KIAA1958: variants seen among roughly 807,000 people sequenced by gnomAD.
KIAA1958 encodes uncharacterized protein KIAA1958.
Under a neutral mutation model 47.2 loss-of-function variants are expected in KIAA1958, and 14 were observed. That is an observed-to-expected ratio of 0.30 (90% CI 0.20 to 0.46). The LOEUF is 0.46. KIAA1958 is among the 20% of genes least tolerant of loss of function. The pLI is 1.00. For synonymous variants in KIAA1958, 354 were observed against 353.3 expected (o/e 1.00, Z -0.02); for missense variants, 803 against 909.2 (o/e 0.88, Z 1.50).
At chr9:112,565,815 T>C (rs1415542676) in intron 1 of KIAA1958, among the ~76,000 whole-genome samples, 2 of 152,242 alleles carry the variant, frequency 1.3e-5, no homozygotes, top group Non-Finnish European at 1.5e-5. Flanking sequence ...CATTTTATGG[T>C]ACTCAAAGTT....
intron 2 of KIAA1958, among the ~76,000 whole-genome samples, chr9:112,594,704 T>C (rs1481598816): frequency 1.3e-5 from 2 of 152,228 alleles, no homozygotes; most frequent in Non-Finnish European, 2.9e-5. Flanking sequence ...ATATACAGGC[T>C]CTTGGGTGGA....
At position 112,574,219 on chromosome 9, in the gene KIAA1958, A is replaced by T. The variant is rs370659943; in HGVS notation, c.139A>T (p.Met47Leu). ...SEGSHGNLTA[M>L]WGCSAGHAYH... is the part of the protein sequence containing the mutation. ...AGGTTCCCATGGGAACCTGACAGCA[A>T]TGTGGGGCTGTAGTGCTGGCCATGC... The change falls in exon 2 of 4, where the codon ATG (methionine) becomes TTG (leucine). Residue 47 changes from methionine (M) to leucine (L), a missense_variant. By Grantham distance (15) the Met-to-Leu change is conservative. Transcript: ENST00000337530. The T allele has an allele frequency of 6.2e-7, 1 of 1,614,148 alleles. No homozygotes were observed. Among genetic ancestry groups the T allele is most frequent in the South Asian group, 1.1e-5 (1 of 91,082 alleles).
At chr9:112,641,173 T>C (rs1428448723) in intron 2 of KIAA1958, among the ~76,000 whole-genome samples, 1 of 152,214 alleles carries the variant, frequency 6.6e-6, no homozygotes, top group Non-Finnish European at 1.5e-5. Context: ...TATCTGTAAC[T>C]AATTTTTTTA....
At chr9:112,643,182 A>G (rs750053064) in intron 2 of KIAA1958, among the ~76,000 whole-genome samples, 9 of 152,178 alleles carry the variant, frequency 5.9e-5, no homozygotes, top group Non-Finnish European at 1.2e-4. Context: ...TTTTATCCTT[A>G]TAGTACCTGA....
At chr9:112,521,386 A>T (rs1253508197) in intron 1 of KIAA1958, among the ~76,000 whole-genome samples, 1 of 151,906 alleles carries the variant, frequency 6.6e-6, no homozygotes, top group African/African-American at 2.4e-5. Context: ...CTAATTTTTT[A>T]AATTTTTTGT....
intron 1 of KIAA1958, among the ~76,000 whole-genome samples, chr9:112,571,821 TAAAAATAAAAATA>T (rs1468106075): frequency 8.8e-4 from 115 of 130,704 alleles, no homozygotes; most frequent in African/African-American, 3.0e-3. Context: ...AAACAAAAAA[TAAAAATAAAAATA>T]AAAAATAAAA....
intron 2 of KIAA1958, among the ~76,000 whole-genome samples, chr9:112,611,105 C>A (rs1262166686): frequency 2.0e-5 from 3 of 152,074 alleles, no homozygotes; most frequent in African/African-American, 4.8e-5. Context: ...ATATCTGTAT[C>A]ATTTAACCCC....
intron 2 of KIAA1958, among the ~76,000 whole-genome samples, chr9:112,577,653 G>A (rs1588025853): frequency 6.6e-6 from 1 of 151,534 alleles, no homozygotes; most frequent in Non-Finnish European, 1.5e-5. Flanking sequence ...TCCCTGCAAA[G>A]CAAGATGCAA....
chr9:112,492,022 TC>T (rs1202029752), intron 1 of KIAA1958, among the ~76,000 whole-genome samples: 1 of 152,232 alleles, frequency 6.6e-6, no homozygotes, highest in Admixed American at 6.5e-5. Flanking sequence ...AAAAGCTCTA[TC>T]CTTTTTTCTG....
intron 1 of KIAA1958, among the ~76,000 whole-genome samples, chr9:112,568,896 A>G (rs1381656646): frequency 4.7e-5 from 7 of 148,846 alleles, no homozygotes; most frequent in Non-Finnish European, 1.0e-4. Context: ...TCAAAAAAAA[A>G]AAAAAAAAAA....
intron 3 of KIAA1958, among the ~76,000 whole-genome samples, chr9:112,653,610 C>T (rs1376501332): frequency 6.6e-6 from 1 of 152,102 alleles, no homozygotes; most frequent in Non-Finnish European, 1.5e-5. Flanking sequence ...TGAGAACCTA[C>T]AAGACAGAAG....
At chr9:112,639,460 C>T (rs778575139) in intron 2 of KIAA1958, among the ~76,000 whole-genome samples, 12 of 152,194 alleles carry the variant, frequency 7.9e-5, no homozygotes, top group Non-Finnish European at 1.6e-4. Context: ...CTTCTTCATG[C>T]TGCTTAGGCT....
intron 2 of KIAA1958, among the ~76,000 whole-genome samples, chr9:112,593,985 C>T (rs563951400): frequency 6.6e-6 from 1 of 152,260 alleles, no homozygotes; most frequent in Admixed American, 6.5e-5. Flanking sequence ...CCACCTCAGC[C>T]TCCTAAGCAA....
intron 1 of KIAA1958, among the ~76,000 whole-genome samples, chr9:112,523,477 C>T (rs982762604): frequency 1.4e-5 from 2 of 146,030 alleles, no homozygotes; most frequent in African/African-American, 2.5e-5. Flanking sequence ...AAGCACCAAC[C>T]GGTAGATATG....
intron 1 of KIAA1958, among the ~76,000 whole-genome samples, chr9:112,512,949 T>C (rs1159834052): frequency 1.3e-5 from 2 of 151,996 alleles, no homozygotes; most frequent in Non-Finnish European, 2.9e-5. Context: ...GTGATTCTCC[T>C]GCCTCAGCCT....
chr9:112,552,611 A>G (rs958178364), intron 1 of KIAA1958, among the ~76,000 whole-genome samples: 5 of 152,226 alleles, frequency 3.3e-5, no homozygotes, highest in African/African-American at 1.2e-4. Context: ...GTTATAACAC[A>G]GGATGATTAG....
chr9:112,616,350 A>G (rs1238122196), intron 2 of KIAA1958, among the ~76,000 whole-genome samples: 3 of 152,194 alleles, frequency 2.0e-5, no homozygotes, highest in Non-Finnish European at 4.4e-5. Flanking sequence ...GATTTTGGCA[A>G]TAATGCCCCA....
At chr9:112,515,950 C>T (rs928984506) in intron 1 of KIAA1958, among the ~76,000 whole-genome samples, 1 of 142,150 alleles carries the variant, frequency 7.0e-6, no homozygotes, top group Non-Finnish European at 1.5e-5. Flanking sequence ...GAACATTCAG[C>T]TTTGTGCTGG....
intron 1 of KIAA1958, among the ~76,000 whole-genome samples, chr9:112,537,350 G>A (rs1230671813): frequency 2.0e-5 from 3 of 152,202 alleles, no homozygotes; most frequent in South Asian, 2.1e-4. Flanking sequence ...CAAATGATCC[G>A]CCTGCCTCCC....
Sources: gnomAD v4.1 joint callset for allele counts (sites outside exome capture counted in the v4.1 genomes callset) on GRCh38, gnomAD v4.1.1 for gene constraint, MANE v1.5 for transcripts, NCBI Gene and HGNC (gene_info 2026-07-23, HGNC 2026-07-21) for gene names.